ZNF721: variants seen among roughly 807,000 people sequenced by gnomAD.
ZNF721 encodes zinc finger protein 721.
A neutral mutation model predicts 2.4 loss-of-function variants in ZNF721; 2 were observed. That is an observed-to-expected ratio of 0.82 (90% CI 0.34 to 2.58). The LOEUF (loss-of-function observed/expected upper bound fraction) is 2.58, where lower values mean the gene tolerates loss of function less well. Ranked by LOEUF, ZNF721 falls within the 30% of genes most tolerant of loss-of-function variation. The pLI is 0.11. For synonymous variants in ZNF721, 398 were observed against 381.8 expected (o/e 1.04, Z -0.50); for missense variants, 1,187 against 1,085.5 (o/e 1.09, Z -1.31).
chr4:469,698 A>G (rs1484481178), intron 2 of ZNF721, among the ~76,000 whole-genome samples: 6 of 152,350 alleles, frequency 3.9e-5, no homozygotes, highest in South Asian at 2.1e-4. Context: ...TAGTAAGCAA[A>G]AGAGTATGGC....
At chr4:489,974 C>T (rs1185739571) in intron 1 of ZNF721, among the ~76,000 whole-genome samples, 3 of 152,030 alleles carry the variant, frequency 2.0e-5, no homozygotes, top group Non-Finnish European at 4.4e-5. Flanking sequence ...ATTCTCCTGC[C>T]TCAGCCTCCC....
chr4:453,127 G>A (rs190296694), intron 2 of ZNF721, among the ~76,000 whole-genome samples: 8 of 152,310 alleles, frequency 5.3e-5, no homozygotes, highest in South Asian at 4.1e-4. Context: ...GGCACTCGAC[G>A]CTAGAAGGCC....
At chr4:491,124 G>A (rs550994140) in intron 1 of ZNF721, among the ~76,000 whole-genome samples, 3 of 152,180 alleles carry the variant, frequency 2.0e-5, no homozygotes, top group East Asian at 1.9e-4. Flanking sequence ...GCTTTTGGGG[G>A]CTTTACAAAA....
At chr4:448,048 G>A (rs896411535) in intron 2 of ZNF721, among the ~76,000 whole-genome samples, 21 of 152,222 alleles carry the variant, frequency 1.4e-4, no homozygotes, top group East Asian at 1.4e-3. Flanking sequence ...CTTGAAAGCA[G>A]TATTAAACAA....
At chr4:490,928 T>C (rs1716004251) in intron 1 of ZNF721, among the ~76,000 whole-genome samples, 1 of 148,390 alleles carries the variant, frequency 6.7e-6, no homozygotes, top group East Asian at 2.0e-4. Context: ...CACTCTAGCC[T>C]GGCAGGCAGT....
chr4:483,786 CATAAT>C (rs781922789), intron 1 of ZNF721, among the ~76,000 whole-genome samples: 1 of 152,154 alleles, frequency 6.6e-6, no homozygotes, highest in African/African-American at 2.4e-5. Flanking sequence ...TTAATCCTAA[CATAAT>C]ATTTCAGAAT....
chr4:444,788 T>G (rs1714418151), intron 2 of ZNF721, among the ~76,000 whole-genome samples: 1 of 152,174 alleles, frequency 6.6e-6, no homozygotes, highest in Non-Finnish European at 1.5e-5. Flanking sequence ...AGAAAAATAC[T>G]GACACACATA....
At chr4:497,578 A>G (rs1716228830) in intron 1 of ZNF721, among the ~76,000 whole-genome samples, 1 of 152,048 alleles carries the variant, frequency 6.6e-6, no homozygotes, top group South Asian at 2.1e-4. Context: ...GAGTCACGAG[A>G]TATCAATCAT....
chr4:455,516 G>A (rs1046466421), intron 2 of ZNF721, among the ~76,000 whole-genome samples: 3 of 152,064 alleles, frequency 2.0e-5, no homozygotes, highest in South Asian at 4.1e-4. Context: ...GCAGTAAGCC[G>A]AGATCGTGCC....
intron 2 of ZNF721, among the ~76,000 whole-genome samples, chr4:451,190 A>G (rs183998748): frequency 6.6e-6 from 1 of 152,146 alleles, no homozygotes; most frequent in East Asian, 1.9e-4. Flanking sequence ...AGAAAAAGTT[A>G]AATATTACAT....
At chr4:461,852 G>T (rs1553866140) in intron 2 of ZNF721, among the ~76,000 whole-genome samples, 1 of 152,106 alleles carries the variant, frequency 6.6e-6, no homozygotes, top group African/African-American at 2.4e-5. Context: ...CAACCTAGGT[G>T]ACAAAGCAAG....
chr4:477,150 T>C (rs1354402024), intron 1 of ZNF721, among the ~76,000 whole-genome samples: 2 of 152,136 alleles, frequency 1.3e-5, no homozygotes, highest in Non-Finnish European at 2.9e-5. Context: ...TGGACAACCA[T>C]CTTCCTCCAC....
At chr4:471,900 T>C (rs1715448192) in intron 2 of ZNF721, among the ~76,000 whole-genome samples, 1 of 152,198 alleles carries the variant, frequency 6.6e-6, no homozygotes, top group East Asian at 1.9e-4. Flanking sequence ...ACAATTTTTA[T>C]TTAACAGAAA....
chr4:478,808 C>T (rs1433706765), intron 1 of ZNF721, among the ~76,000 whole-genome samples: 4 of 144,198 alleles, frequency 2.8e-5, no homozygotes, highest in Non-Finnish European at 4.5e-5. Context: ...CTCACTTTGT[C>T]GCCCAGGCTG....
At chr4:485,633 T>C (rs1362219040) in intron 1 of ZNF721, among the ~76,000 whole-genome samples, 1 of 152,200 alleles carries the variant, frequency 6.6e-6, no homozygotes, top group Non-Finnish European at 1.5e-5. Flanking sequence ...GGGAGCATGG[T>C]TGCATATTGT....
intron 1 of ZNF721, among the ~76,000 whole-genome samples, chr4:474,408 G>T (rs1328934164): frequency 6.6e-6 from 1 of 152,076 alleles, no homozygotes; most frequent in Non-Finnish European, 1.5e-5. Flanking sequence ...GGTGTGTAAC[G>T]TTACGTCAAT....
intron 2 of ZNF721, among the ~76,000 whole-genome samples, chr4:465,883 G>A (rs1434994186): frequency 6.6e-6 from 1 of 151,588 alleles, no homozygotes; most frequent in East Asian, 1.9e-4. Context: ...CACAAGGGAA[G>A]ACAGCATGAA....
chr4:455,896 A>C (rs1714830801), intron 2 of ZNF721, among the ~76,000 whole-genome samples: 1 of 152,138 alleles, frequency 6.6e-6, no homozygotes, highest in African/African-American at 2.4e-5. Flanking sequence ...AAATATTTAC[A>C]TCTACCTAAA....
At chr4:454,688 G>A (rs1714791386) in intron 2 of ZNF721, among the ~76,000 whole-genome samples, 1 of 152,160 alleles carries the variant, frequency 6.6e-6, no homozygotes, top group Non-Finnish European at 1.5e-5. Flanking sequence ...GGATCAAACT[G>A]AGGCCGAATG....
Sources: gnomAD v4.1 joint callset for allele counts (sites outside exome capture counted in the v4.1 genomes callset) on GRCh38, gnomAD v4.1.1 for gene constraint, MANE v1.5 for transcripts, NCBI Gene and HGNC (gene_info 2026-07-23, HGNC 2026-07-21) for gene names.